The following CFAP54 variants were observed in gnomAD, a reference collection of about 807,000 sequenced individuals.
The protein encoded by CFAP54 is cilia and flagella associated protein 54, also known as cilia- and flagella-associated protein 54.
A neutral mutation model predicts 370.4 loss-of-function variants in CFAP54; 290 were observed. The ratio of observed to expected loss-of-function variants is 0.78; its 90% CI spans 0.71 to 0.86. CFAP54 has a LOEUF of 0.86. CFAP54 is among the 40% of genes least tolerant of loss of function. The pLI is 0.00. For missense variants in CFAP54, 3,399 were observed against 3,528.7 expected (o/e 0.96, Z 0.93); for synonymous variants, 1,206 against 1,236.5 (o/e 0.98, Z 0.52).
At chr12:96,627,491 T>C (rs12317460) in intron 30 of CFAP54, among the ~76,000 whole-genome samples, 1 of 151,958 alleles carries the variant, frequency 6.6e-6, no homozygotes, top group Admixed American at 6.5e-5. Context: ...TTTTATCAAC[T>C]GAGAGTGGGC....
intron 15 of CFAP54, among the ~76,000 whole-genome samples, chr12:96,553,322 G>T (rs1955715926): frequency 6.6e-6 from 1 of 151,874 alleles, no homozygotes; most frequent in Non-Finnish European, 1.5e-5. Context: ...TTATAAAAGA[G>T]AATTAAAAAT....
chr12:96,664,108 A>G (rs1181234092), intron 39 of CFAP54, among the ~76,000 whole-genome samples, 176 bp downstream of exon 39: 2 of 152,184 alleles, frequency 1.3e-5, no homozygotes, highest in Non-Finnish European at 2.9e-5. Flanking sequence ...AATGTTACTT[A>G]AGGGGGATTA....
At chr12:96,691,099 C>T in intron 43 of CFAP54, 29 bp from the exon 44 acceptor site, 3 of 1,599,766 alleles carry the variant, frequency 1.9e-6, no homozygotes, top group South Asian at 2.2e-5. Context: ...ATCTATAGCT[C>T]TTTATATTTC....
chr12:96,522,468 C>G (rs1955331275), intron 8 of CFAP54, among the ~76,000 whole-genome samples: 1 of 152,210 alleles, frequency 6.6e-6, no homozygotes, highest in Non-Finnish European at 1.5e-5. Flanking sequence ...CTGGCTCTTG[C>G]AAATGAATAG....
At chr12:96,801,723 G>C (rs375877679) in intron 63 of CFAP54, among the ~76,000 whole-genome samples, 1 of 152,254 alleles carries the variant, frequency 6.6e-6, no homozygotes, top group Admixed American at 6.5e-5. Flanking sequence ...ACTTGGGAAG[G>C]CTCAAGGAAT....
intron 63 of CFAP54, among the ~76,000 whole-genome samples, chr12:96,807,965 C>G (rs1334542832): frequency 1.3e-5 from 2 of 152,292 alleles, no homozygotes; most frequent in South Asian, 4.1e-4. Context: ...TGAATGTTGA[C>G]TTGCCCATAG....
chr12:96,856,812 A>C (rs913923291), intron 66 of CFAP54, among the ~76,000 whole-genome samples: 2 of 151,490 alleles, frequency 1.3e-5, no homozygotes, highest in Admixed American at 1.3e-4. Context: ...CTCACTTCCA[A>C]AGTCATTTCC....
intron 4 of CFAP54, among the ~76,000 whole-genome samples, chr12:96,508,486 A>G (rs1333803171): frequency 2.0e-5 from 3 of 150,776 alleles, no homozygotes; most frequent in Non-Finnish European, 3.0e-5. Flanking sequence ...GGTTTTTACC[A>G]TGGTAGCCAG....
At chr12:96,717,935 A>G (rs1237032284) in intron 48 of CFAP54, among the ~76,000 whole-genome samples, 5 of 152,194 alleles carry the variant, frequency 3.3e-5, no homozygotes, top group Non-Finnish European at 7.3e-5. Context: ...CTTCTAATAT[A>G]TGACATTAGG....
chr12:96,510,263 A>C (rs541283705), intron 4 of CFAP54, among the ~76,000 whole-genome samples: 1 of 152,024 alleles, frequency 6.6e-6, no homozygotes, highest in East Asian at 1.9e-4. Flanking sequence ...AAAAAAAAAA[A>C]AAAAAAAAGA....
intron 66 of CFAP54, among the ~76,000 whole-genome samples, chr12:96,846,565 G>A (rs900000881): frequency 6.6e-6 from 1 of 152,202 alleles, no homozygotes; most frequent in Non-Finnish European, 1.5e-5. Flanking sequence ...AGCAGTCAGA[G>A]TAAGTCTGAA....
chr12:96,817,067 T>C (rs990362445), intron 64 of CFAP54, among the ~76,000 whole-genome samples: 3 of 152,172 alleles, frequency 2.0e-5, no homozygotes, highest in African/African-American at 2.4e-5. Context: ...TCATAATTCT[T>C]ACCTGCAGGT....
chr12:96,610,157 C>A (rs886962856), intron 26 of CFAP54, among the ~76,000 whole-genome samples: 8 of 152,178 alleles, frequency 5.3e-5, no homozygotes, highest in African/African-American at 1.9e-4. Flanking sequence ...CCTAAGTCTA[C>A]AGAAGAAATT....
chr12:96,867,141 G>A (rs557924840), intron 67 of CFAP54, among the ~76,000 whole-genome samples: 8 of 152,242 alleles, frequency 5.3e-5, no homozygotes, highest in African/African-American at 1.9e-4. Context: ...TTGGAGGCTG[G>A]TCATTTAATC....
At chr12:96,671,858 G>A (rs1318507355) in intron 39 of CFAP54, among the ~76,000 whole-genome samples, 2 of 152,066 alleles carry the variant, frequency 1.3e-5, no homozygotes, top group East Asian at 3.9e-4. Flanking sequence ...GGAGGTGGAG[G>A]TTGCAGTGAG....
intron 30 of CFAP54, 66 bp from the exon 31 acceptor site, chr12:96,630,027 T>C (rs562572651): frequency 1.2e-4 from 78 of 660,770 alleles, no homozygotes; most frequent in East Asian, 9.2e-4. Context: ...TTTAAAGACA[T>C]ATTACTTTGG....
At chr12:96,674,892 A>G (rs977263866) in intron 39 of CFAP54, among the ~76,000 whole-genome samples, 2 of 152,222 alleles carry the variant, frequency 1.3e-5, no homozygotes, top group Admixed American at 1.3e-4. Flanking sequence ...ATATGTAGAA[A>G]GCTGAAACTG....
chr12:96,498,109 G>C (rs1234718603), intron 1 of CFAP54, among the ~76,000 whole-genome samples: 1 of 152,088 alleles, frequency 6.6e-6, no homozygotes, highest in East Asian at 1.9e-4. Context: ...TTCAATAAAT[G>C]ATCCTGGAAC....
intron 59 of CFAP54, 68 bp downstream of exon 59, chr12:96,764,317 C>G: frequency 8.5e-7 from 1 of 1,173,976 alleles, no homozygotes; most frequent in Admixed American, 2.1e-5. Context: ...TTAAAGAACA[C>G]AATATACCTG....
Sources: allele counts gnomAD v4.1 joint callset (sites outside exome capture counted in the v4.1 genomes callset), GRCh38; gene constraint gnomAD v4.1.1; transcripts MANE v1.5; gene names NCBI Gene and HGNC (gene_info 2026-07-23, HGNC 2026-07-21).